The following SLC4A4 variants were observed in gnomAD, a reference collection of about 807,000 sequenced individuals.
The protein encoded by SLC4A4 is electrogenic sodium bicarbonate cotransporter 1.
In SLC4A4, 27 loss-of-function variants were observed where a neutral mutation model predicts 111.5. The ratio of observed to expected loss-of-function variants is 0.24; its 90% CI spans 0.18 to 0.33. SLC4A4 has a LOEUF of 0.33. Among genes scored for constraint, SLC4A4 ranks in the 10% least tolerant of loss-of-function variants. SLC4A4 has a pLI of 1.00. For synonymous variants in SLC4A4, 443 were observed against 463.4 expected, an observed-to-expected ratio of 0.96 and a Z score of 0.57; for missense variants, 909 against 1,315.5, an observed-to-expected ratio of 0.69 and a Z score of 4.78.
At chr4:71,189,648 A>G (rs1048345691) in intron 1 of SLC4A4, among the ~76,000 whole-genome samples, 2 of 152,204 alleles carry the variant, frequency 1.3e-5, no homozygotes, top group Admixed American at 6.5e-5. Flanking sequence ...AATGCACACT[A>G]GCTGGTGAAT....
intron 7 of SLC4A4, among the ~76,000 whole-genome samples, chr4:71,417,898 G>A (rs186813343): frequency 8.5e-5 from 13 of 152,262 alleles, no homozygotes; most frequent in Admixed American, 8.5e-4. Context: ...GGCCTTAGCT[G>A]TATGAGTTTG....
chr4:71,179,307 C>G (rs1231225846), intron 2 of SLC4A4, among the ~76,000 whole-genome samples: 3 of 152,116 alleles, frequency 2.0e-5, no homozygotes, highest in African/African-American at 7.2e-5. Flanking sequence ...GACACGGATG[C>G]CCTCTCTCAC....
intron 18 of SLC4A4, among the ~76,000 whole-genome samples, chr4:71,538,094 T>C (rs1044616501): frequency 3.2e-5 from 2 of 61,998 alleles, no homozygotes; most frequent in Non-Finnish European, 9.0e-5. Context: ...GAAATGGTTG[T>C]TGACTAATAT....
chr4:71,112,130 C>T (rs187938310), intron 2 of SLC4A4, among the ~76,000 whole-genome samples: 39 of 152,326 alleles, frequency 2.6e-4, no homozygotes, highest in African/African-American at 9.1e-4. Context: ...GGCTATCTTC[C>T]TTCCACTCTG....
intron 4 of SLC4A4, among the ~76,000 whole-genome samples, chr4:71,340,091 G>T (rs147594672): frequency 1.3e-5 from 2 of 152,032 alleles, no homozygotes; most frequent in African/African-American, 4.8e-5. Flanking sequence ...GGGCATGGTG[G>T]TGCATGCCTG....
At chr4:71,368,926 G>C (rs1232340606) in intron 6 of SLC4A4, among the ~76,000 whole-genome samples, 2 of 152,038 alleles carry the variant, frequency 1.3e-5, no homozygotes, top group Non-Finnish European at 2.9e-5. Context: ...CCTTTAACCC[G>C]CTTGTGTGAT....
chr4:71,305,696 C>T (rs1358086587), intron 3 of SLC4A4, among the ~76,000 whole-genome samples: 1 of 152,166 alleles, frequency 6.6e-6, no homozygotes, highest in African/African-American at 2.4e-5. Context: ...TTCATGCATT[C>T]ATAAAACATC....
chr4:71,135,755 C>T (rs1227554885), intron 2 of SLC4A4, among the ~76,000 whole-genome samples: 2 of 152,158 alleles, frequency 1.3e-5, no homozygotes, highest in African/African-American at 4.8e-5. Context: ...CCCTGACAAC[C>T]ACCATTCTAC....
chr4:71,522,804 G>A (rs1460060544), intron 16 of SLC4A4, among the ~76,000 whole-genome samples: 1 of 152,140 alleles, frequency 6.6e-6, no homozygotes, highest in Non-Finnish European at 1.5e-5. Flanking sequence ...ATCAATAGCT[G>A]TAACACCTTC....
chr4:71,096,343 G>A (rs1161334798), intron 2 of SLC4A4, among the ~76,000 whole-genome samples: 1 of 151,996 alleles, frequency 6.6e-6, no homozygotes, highest in Non-Finnish European at 1.5e-5. Context: ...AAGGAGAGAA[G>A]ACCCAAAACA....
chr4:71,074,172 T>C (rs1169985379), intron 1 of SLC4A4, among the ~76,000 whole-genome samples: 1 of 152,200 alleles, frequency 6.6e-6, no homozygotes, highest in African/African-American at 2.4e-5. Flanking sequence ...ATCATTTATT[T>C]CTGTCACTCT....
intron 1 of SLC4A4, among the ~76,000 whole-genome samples, chr4:71,203,483 T>A (rs1387284410): frequency 6.6e-6 from 1 of 152,208 alleles, no homozygotes; most frequent in East Asian, 1.9e-4. Context: ...CCACAGTTAC[T>A]GTGTGATGAC....
intron 2 of SLC4A4, among the ~76,000 whole-genome samples, chr4:71,237,218 AC>A (rs1719874712): frequency 6.6e-6 from 1 of 152,210 alleles, no homozygotes; most frequent in Admixed American, 6.5e-5. Flanking sequence ...CCTGTTAAAA[AC>A]TAAAGAAGAG....
chr4:71,277,353 A>C (rs1207931155), intron 3 of SLC4A4, among the ~76,000 whole-genome samples: 2 of 152,070 alleles, frequency 1.3e-5, no homozygotes, highest in African/African-American at 4.8e-5. Context: ...TTGTATAGTG[A>C]TAATCTTGTA....
chr4:71,545,752 T>C (rs1416073888), intron 18 of SLC4A4, among the ~76,000 whole-genome samples: 2 of 152,054 alleles, frequency 1.3e-5, no homozygotes, highest in Non-Finnish European at 2.9e-5. Flanking sequence ...ATGGCCTACA[T>C]ACCTTCTCAA....
At chr4:71,197,193 C>T (rs1362945692) in intron 1 of SLC4A4, among the ~76,000 whole-genome samples, 2 of 151,956 alleles carry the variant, frequency 1.3e-5, no homozygotes, top group African/African-American at 2.4e-5. Context: ...CCAGCCTGGG[C>T]GACAGAGCGA....
At chr4:71,548,923 A>G (rs988754587) in intron 20 of SLC4A4, among the ~76,000 whole-genome samples, 24 of 151,936 alleles carry the variant, frequency 1.6e-4, no homozygotes, top group African/African-American at 4.1e-4. Context: ...TGTATACAGT[A>G]TGCACAAAAT....
chr4:71,472,623 A>T, intron 13 of SLC4A4, 76 bp from the exon 14 acceptor site: 1 of 1,442,216 alleles, frequency 6.9e-7, no homozygotes, highest in Non-Finnish European at 9.7e-7. Context: ...ATCTTTCTGT[A>T]GACATTTGGT....
intron 7 of SLC4A4, among the ~76,000 whole-genome samples, chr4:71,403,863 G>C (rs531369813): frequency 6.6e-6 from 1 of 152,172 alleles, no homozygotes; most frequent in East Asian, 1.9e-4. Context: ...GGATCGTCTG[G>C]TGTTATTCCT....
Sources: gnomAD v4.1 joint callset for allele counts (sites outside exome capture counted in the v4.1 genomes callset) on GRCh38, gnomAD v4.1.1 for gene constraint, MANE v1.5 for transcripts, NCBI Gene and HGNC (gene_info 2026-07-23, HGNC 2026-07-21) for gene names.